The following LRRK1 variants were observed in gnomAD, a reference collection of about 807,000 sequenced individuals.
LRRK1 encodes leucine-rich repeat serine/threonine-protein kinase 1.
LRRK1 carries 113 observed loss-of-function variants against 209.1 expected under a neutral mutation model. The observed-to-expected ratio is 0.54, with a 90% CI of 0.46 to 0.63. The LOEUF is 0.63. LRRK1 is among the 30% of genes least tolerant of loss of function. LRRK1 has a pLI of 0.00. For synonymous variants in LRRK1, 1,144 were observed against 1,099.7 expected, an observed-to-expected ratio of 1.04 and a Z score of -0.80; for missense variants, 2,284 against 2,632.2, an observed-to-expected ratio of 0.87 and a Z score of 2.89.
At chr15:100,938,079 G>A (rs1318665047) in intron 2 of LRRK1, among the ~76,000 whole-genome samples, 9 of 148,946 alleles carry the variant, frequency 6.0e-5, no homozygotes, top group Admixed American at 2.7e-4. Flanking sequence ...GGTTGGTCTC[G>A]AACTCCTGAG....
Position 101,021,775 on chromosome 15 carries a change from C to CGTGTGTGT in LRRK1, c.1740-39_1740-32dup, listed in dbSNP as rs3031683. 21 of 857,064 alleles carry CGTGTGTGT rather than the reference C, an allele frequency of 2.5e-5. No homozygotes were observed. The African/African-American group carries it at 3.1e-4, about 13-fold the overall frequency. The allele number at this position is 857,064 out of a possible 1,614,324, so 53.1% of individuals were successfully genotyped here. On this transcript the variant is annotated intron_variant, in intron 13 of 33. Coordinates refer to ENST00000388948, the MANE Select transcript of LRRK1 (RefSeq NM_024652.6). Reference sequence around the variant, plus strand: ...GAGGCTGACAGGAGCCACGTGTGTGCGTGTGTGTGTGTGTGTGTGTGTGTG... The same window carrying CGTGTGTGT: ...GAGGCTGACAGGAGCCACGTGTGTGCGTGTGTGTGTGTGTGTGTGTGTGTGTGTGTGTG...
intron 2 of LRRK1, 46 bp from the exon 3 acceptor site, chr15:100,973,758 G>C (rs2141653276): frequency 8.0e-7 from 1 of 1,257,364 alleles, no homozygotes. Flanking sequence ...AAGAGCACGC[G>C]GGCAGTGGGC....
intron 13 of LRRK1, 59 bp from the exon 14 acceptor site, chr15:101,021,786 G>A (rs1391031556): frequency 2.6e-5 from 2 of 76,704 alleles, no homozygotes; most frequent in African/African-American, 1.1e-4. Flanking sequence ...GTGTGTGTGT[G>A]TGTGTGTGTG....
rs1250994616 is a variant in LRRK1, at chr15:101,024,919, G to A, written c.2184G>A (p.Leu728=). 2.5e-6 allele frequency: 4 copies of A among 1,614,102 alleles called. No homozygotes were observed. The highest frequency in any genetic ancestry group is 2.5e-6 in the Non-Finnish European group (3 of 1,180,010). Residue 728 remains leucine (L), a synonymous_variant, in exon 16 of 34, where the codon CTG becomes CTA. Coordinates refer to ENST00000388948, the MANE Select transcript of LRRK1 (RefSeq NM_024652.6). The surrounding 1 kb of genome is among the most constrained non-coding windows in gnomAD (Gnocchi z 4.6). ...ACGTGGTGGTCTGGAACCTGGCGCTGGGGGAGGAGGCCGTGGCCAACCTCC... is the reference window on the plus strand; with the variant it reads ...ACGTGGTGGTCTGGAACCTGGCGCTAGGGGAGGAGGCCGTGGCCAACCTCC... ...ALYVVVWNLA[L]GEEAVANLQF... is the part of the protein sequence containing the mutation.
chr15:101,044,659 C>T (rs139447468), intron 20 of LRRK1, among the ~76,000 whole-genome samples: 302 of 152,340 alleles, frequency 2.0e-3, no homozygotes, highest in South Asian at 0.011. Flanking sequence ...CACCGCACAT[C>T]GTGCTGGGAC....
intron 6 of LRRK1, among the ~76,000 whole-genome samples, chr15:100,990,320 G>C (rs1018452917): frequency 6.6e-6 from 1 of 152,060 alleles, no homozygotes; most frequent in African/African-American, 2.4e-5. Flanking sequence ...CCTGCTATTG[G>C]TGGACATTTG....
intron 13 of LRRK1, chr15:101,021,563 T>C: frequency 2.0e-6 from 1 of 504,226 alleles, no homozygotes; most frequent in Non-Finnish European, 3.5e-6. Context: ...GAAGAGGTAG[T>C]GATCATCTTT....
At chr15:101,060,901 G>A (rs921980360) in intron 29 of LRRK1, among the ~76,000 whole-genome samples, 42 of 152,238 alleles carry the variant, frequency 2.8e-4, no homozygotes, top group Non-Finnish European at 4.4e-4. Flanking sequence ...CGGCGGGAGG[G>A]CCCCTCCTTC....
Position 100,964,652 on chromosome 15 carries a change from A to C in LRRK1, c.98-9152A>C, listed in dbSNP as rs145268570. Among the ~76,000 whole-genome samples the C allele has an allele frequency of 1.4e-3, 208 of 152,368 alleles. 6 individuals are homozygous for C. In the East Asian group the frequency reaches 0.032, roughly 24 times the overall value. On this transcript the variant is annotated intron_variant, in intron 2 of 33. Coordinates refer to ENST00000388948, the MANE Select transcript of LRRK1 (RefSeq NM_024652.6). ...TTGACGGAGGCAAATGCAATAAAAT[A>C]AAGTCATGGATATGCAAATCAAACG...
At chr15:100,933,685 G>A (rs1596161670) in intron 2 of LRRK1, among the ~76,000 whole-genome samples, 1 of 151,804 alleles carries the variant, frequency 6.6e-6, no homozygotes, top group Non-Finnish European at 1.5e-5. Flanking sequence ...AGCCGGGTAT[G>A]GTGGCACACA....
At chr15:100,955,610 C>T (rs11247245) in intron 2 of LRRK1, among the ~76,000 whole-genome samples, 138,295 of 152,274 alleles carry the variant, frequency 0.91, 62,971 homozygotes, top group East Asian at 0.99. Context: ...TAAGTATGAT[C>T]ATAGCTGTAG....
At chr15:101,019,944 A>T (rs1008868945) in intron 12 of LRRK1, among the ~76,000 whole-genome samples, 2 of 152,230 alleles carry the variant, frequency 1.3e-5, no homozygotes, top group Non-Finnish European at 2.9e-5. Context: ...CATGATTTTC[A>T]TGGTAATCTC....
intron 2 of LRRK1, among the ~76,000 whole-genome samples, chr15:100,934,844 G>C (rs2042272564): frequency 6.7e-6 from 1 of 150,032 alleles, no homozygotes; most frequent in South Asian, 2.1e-4. Flanking sequence ...GAAAACCAGA[G>C]AGTGATGCTC....
intron 7 of LRRK1, 28 bp downstream of exon 7, chr15:101,009,091 G>A (rs753498941): frequency 1.6e-5 from 25 of 1,525,234 alleles, no homozygotes; most frequent in East Asian, 2.3e-5. Flanking sequence ...GACCGGAGCC[G>A]TGTGTGACCC....
At chr15:101,043,542 C>T (rs937507829) in intron 20 of LRRK1, among the ~76,000 whole-genome samples, 2 of 152,188 alleles carry the variant, frequency 1.3e-5, no homozygotes, top group East Asian at 3.9e-4. Flanking sequence ...TACGAGTACT[C>T]AGTAAAAGAA....
chr15:100,962,823 A>ATATATATATATATTTTTTTTTTTT, intron 2 of LRRK1, among the ~76,000 whole-genome samples: 1 of 11,544 alleles, frequency 8.7e-5, no homozygotes, highest in Non-Finnish European at 2.1e-4. Flanking sequence ...ATATATATAT[A>ATATATATATATATTTTTTTTTTTT]TTTTTTTTTT....
intron 16 of LRRK1, 56 bp from the exon 17 acceptor site, chr15:101,025,909 C>T (rs1290412810): frequency 6.3e-7 from 1 of 1,591,442 alleles, no homozygotes; most frequent in Non-Finnish European, 8.6e-7. Flanking sequence ...GAGCTCTGTC[C>T]TGTCCCTTGT....
At chr15:101,020,724 C>T (rs976148495) in intron 12 of LRRK1, among the ~76,000 whole-genome samples, 2 of 152,148 alleles carry the variant, frequency 1.3e-5, no homozygotes, top group Non-Finnish European at 2.9e-5. Context: ...TTCATACCCC[C>T]ATATATGTAG....
chr15:101,058,872 G>T (rs984196878), intron 29 of LRRK1, among the ~76,000 whole-genome samples: 1 of 152,144 alleles, frequency 6.6e-6, no homozygotes, highest in African/African-American at 2.4e-5. Context: ...TGCTTGCCGT[G>T]GGGTGGGTGG....
Sources: gnomAD v4.1 joint callset for allele counts (sites outside exome capture counted in the v4.1 genomes callset) on GRCh38, gnomAD v4.1.1 for gene constraint, Gnocchi (gnomAD v3.1) non-coding constraint, MANE v1.5 for transcripts, NCBI Gene and HGNC (gene_info 2026-07-23, HGNC 2026-07-21) for gene names.